Variants in SV2C observed in about 807,000 individuals in gnomAD.
SV2C encodes solute carrier family 22 member B3.
In SV2C, 49 loss-of-function variants were observed where a neutral mutation model predicts 79.7. That is an observed-to-expected ratio of 0.61 (90% CI 0.49 to 0.78). The LOEUF (loss-of-function observed/expected upper bound fraction) is 0.78, where lower values mean the gene tolerates loss of function less well. SV2C is among the 30% of genes least tolerant of loss of function. The pLI, the probability that SV2C is intolerant of heterozygous loss-of-function variation, is 0.00. For synonymous variants in SV2C, 334 were observed against 333.2 expected (o/e 1.00, Z -0.03); for missense variants, 833 against 912.9 (o/e 0.91, Z 1.13).
the SV2C span, among the ~76,000 whole-genome samples, chr5:75,906,441 T>C: frequency 6.6e-6 from 1 of 152,006 alleles, no homozygotes; most frequent in African/African-American, 2.4e-5. Context: ...TGCTTTTTTT[T>C]TTTTTTTCCT....
intron 12 of SV2C, among the ~76,000 whole-genome samples, chr5:76,320,960 A>G (rs943670592): frequency 1.3e-5 from 2 of 152,214 alleles, no homozygotes; most frequent in Non-Finnish European, 2.9e-5. Flanking sequence ...CAAAAAGAAA[A>G]TCCGTGCTTA....
At chr5:76,247,170 C>A (rs1267453142) in intron 4 of SV2C, among the ~76,000 whole-genome samples, 1 of 152,160 alleles carries the variant, frequency 6.6e-6, no homozygotes, top group Non-Finnish European at 1.5e-5. Flanking sequence ...GCGGACACAC[C>A]TTGAAGAAGG....
At chr5:75,920,704 C>T in the SV2C span, 183 of 749,492 alleles carry the variant, frequency 2.4e-4, no homozygotes, top group South Asian at 5.5e-4. Flanking sequence ...AGGGCACTGC[C>T]GGTGTGGAAC....
chr5:76,318,677 G>T (rs1265719049), intron 12 of SV2C, among the ~76,000 whole-genome samples: 4 of 152,118 alleles, frequency 2.6e-5, no homozygotes, highest in African/African-American at 7.2e-5. Context: ...GGTACTTTTG[G>T]GGGAAATAAT....
At chr5:75,930,508 G>A in the SV2C span, among the ~76,000 whole-genome samples, 2 of 152,206 alleles carry the variant, frequency 1.3e-5, no homozygotes, top group African/African-American at 4.8e-5. Context: ...CCTGGGTCAG[G>A]AATTGTCTTT....
At position 76,332,520 on chromosome 5, in the gene SV2C, A is replaced by T. The variant is rs1749214631; in HGVS notation, c.*6973A>T. 6.6e-6 allele frequency: 1 copy of T among 152,216 alleles called. No individual in the cohort carries two copies. Among genetic ancestry groups the T allele is most frequent in the Admixed American group, 6.5e-5 (1 of 15,276 alleles). 9.4% of individuals were successfully genotyped at this position (152,216 alleles called of 1,614,324 possible). A position where few individuals can be genotyped will look rare whatever the true frequency, so the allele number is the denominator to read the frequency against. Reference sequence around the variant, plus strand: ...AAAAGCAAAGGCAACATATAGTCAAAGCTCATCACTTTCTACTTATTTTAC... The same window carrying T: ...AAAAGCAAAGGCAACATATAGTCAATGCTCATCACTTTCTACTTATTTTAC... On this transcript the variant is annotated 3_prime_UTR_variant, in exon 13 of 13. Coordinates refer to ENST00000502798, the MANE Select transcript of SV2C (RefSeq NM_014979.4).
the SV2C span, among the ~76,000 whole-genome samples, chr5:75,951,813 T>G: frequency 6.6e-6 from 1 of 152,148 alleles, no homozygotes; most frequent in South Asian, 2.1e-4. Flanking sequence ...TGAATTTGCC[T>G]TTTCTGCTCA....
chr5:75,863,256 A>G, the SV2C span, among the ~76,000 whole-genome samples: 2 of 152,214 alleles, frequency 1.3e-5, no homozygotes, highest in Non-Finnish European at 2.9e-5. Flanking sequence ...TGATGGGTGC[A>G]GCAAAATCTC....
intron 2 of SV2C, among the ~76,000 whole-genome samples, chr5:76,141,823 C>CAAAAAAAAAAAAAAAA (rs11313342): frequency 1.4e-5 from 1 of 72,474 alleles, no homozygotes. Context: ...AAGTCCATCT[C>CAAAAAAAAAAAAAAAA]AAAAAAAAAA....
intron 1 of SV2C, among the ~76,000 whole-genome samples, chr5:76,113,685 C>G (rs541649752): frequency 7.9e-5 from 12 of 152,270 alleles, no homozygotes; most frequent in African/African-American, 2.9e-4. Context: ...TGAAATTCCA[C>G]AATTTACCCA....
chr5:76,093,620 A>G (rs1047165191), intron 1 of SV2C, among the ~76,000 whole-genome samples: 2 of 152,206 alleles, frequency 1.3e-5, no homozygotes, highest in Admixed American at 1.3e-4. Flanking sequence ...ATATGAACTC[A>G]TTCCAGTGAA....
chr5:75,945,898 C>T, the SV2C span, among the ~76,000 whole-genome samples: 1 of 151,706 alleles, frequency 6.6e-6, no homozygotes, highest in Non-Finnish European at 1.5e-5. Flanking sequence ...GAAAACAAAA[C>T]ATATCAAAAT....
In SV2C at chr5:76,102,137, C is replaced by G. The variant is rs1328188882; in HGVS notation, c.-102+18625C>G. 5.3e-5 allele frequency among the ~76,000 whole-genome samples: 8 copies of G among 152,238 alleles called. No individual in the cohort carries two copies. The East Asian group carries it at 1.5e-3, about 29-fold the overall frequency. On this transcript the variant is annotated intron_variant, in intron 1 of 12. Transcript: ENST00000502798. ...TGTCTGTTCTTGTGTTTAAAATCACCAAAACACCATGTCTGTTCTTGTGTT... is the reference window on the plus strand; with the variant it reads ...TGTCTGTTCTTGTGTTTAAAATCACGAAAACACCATGTCTGTTCTTGTGTT...
At chr5:76,144,728 T>C (rs34513022) in intron 2 of SV2C, among the ~76,000 whole-genome samples, 16,965 of 152,200 alleles carry the variant, frequency 0.11, 1,030 homozygotes, top group Non-Finnish European at 0.14. Flanking sequence ...GAGAACCTTT[T>C]AAAGGGAAAA....
At chr5:75,870,451 A>C in the SV2C span, among the ~76,000 whole-genome samples, 3 of 152,040 alleles carry the variant, frequency 2.0e-5, no homozygotes, top group Non-Finnish European at 2.9e-5. Context: ...AGGCTATTTG[A>C]AAATACACAG....
intron 2 of SV2C, among the ~76,000 whole-genome samples, chr5:76,190,204 A>T (rs767890041): frequency 7.1e-4 from 108 of 152,238 alleles, no homozygotes; most frequent in Admixed American, 3.1e-3. Flanking sequence ...GTTAAAGCAT[A>T]GTCAGGACCA....
At chr5:76,134,682 A>G (rs1196618413) in intron 2 of SV2C, among the ~76,000 whole-genome samples, 1 of 152,236 alleles carries the variant, frequency 6.6e-6, no homozygotes, top group Non-Finnish European at 1.5e-5. Flanking sequence ...ATCTAAGGGC[A>G]TACAGTGTAT....
At chr5:75,899,651 A>G in the SV2C span, among the ~76,000 whole-genome samples, 1 of 152,066 alleles carries the variant, frequency 6.6e-6, no homozygotes, top group Non-Finnish European at 1.5e-5. Flanking sequence ...GATCTGTCTA[A>G]TGTTGACAGT....
intron 12 of SV2C, among the ~76,000 whole-genome samples, chr5:76,302,544 G>C (rs1580051137): frequency 6.7e-6 from 1 of 149,392 alleles, no homozygotes; most frequent in Admixed American, 6.7e-5. Context: ...GCACGAGAAT[G>C]GCTTGAACCT....
Sources: gnomAD v4.1 joint callset for allele counts (sites outside exome capture counted in the v4.1 genomes callset) on GRCh38, gnomAD v4.1.1 for gene constraint, MANE v1.5 for transcripts, NCBI Gene and HGNC (gene_info 2026-07-23, HGNC 2026-07-21) for gene names.